Variants in ANK2 observed in about 807,000 individuals in gnomAD.
The protein encoded by ANK2 is ankyrin-2.
In ANK2, 83 loss-of-function variants were observed where a neutral mutation model predicts 360.5. The ratio of observed to expected loss-of-function variants is 0.23; its 90% CI spans 0.19 to 0.28. The LOEUF is 0.28. Ranked by LOEUF, ANK2 falls within the 10% of genes least tolerant of loss-of-function variation. ANK2 has a pLI of 1.00. For missense variants in ANK2, 4,201 were observed against 4,795.7 expected (o/e 0.88, Z 3.66); for synonymous variants, 1,740 against 1,759.5 (o/e 0.99, Z 0.28).
intron 23 of ANK2, among the ~76,000 whole-genome samples, chr4:113,306,601 G>A (rs1226745966): frequency 6.6e-6 from 1 of 152,110 alleles, no homozygotes; most frequent in Non-Finnish European, 1.5e-5. Context: ...AAAAGAGAAA[G>A]CATTTACTAA....
chr4:113,141,450 T>C (rs952571807), intron 1 of ANK2: 1 of 152,210 alleles, frequency 6.6e-6, no homozygotes, highest in Non-Finnish European at 1.5e-5. Context: ...TTCTGTGTCA[T>C]AGAAGTGAAA....
chr4:112,828,523 G>A (rs574867522), intron 1 of ANK2, among the ~76,000 whole-genome samples: 3 of 152,152 alleles, frequency 2.0e-5, no homozygotes, highest in South Asian at 2.1e-4. Flanking sequence ...GTGAGCCACC[G>A]CGCCCAGCTG....
chr4:113,142,463 A>G (rs1380960938), intron 1 of ANK2, among the ~76,000 whole-genome samples: 1 of 152,154 alleles, frequency 6.6e-6, no homozygotes, highest in Admixed American at 6.5e-5. Context: ...TTTCACAGCT[A>G]TGATGTTTTC....
intron 2 of ANK2, among the ~76,000 whole-genome samples, chr4:112,928,995 G>A (rs946938984): frequency 2.0e-5 from 3 of 151,994 alleles, no homozygotes; most frequent in African/African-American, 4.8e-5. Flanking sequence ...TGGGACTACA[G>A]GCGTGCACCA....
chr4:113,021,004 A>T (rs986466976), intron 2 of ANK2, among the ~76,000 whole-genome samples: 5 of 151,900 alleles, frequency 3.3e-5, no homozygotes, highest in African/African-American at 1.2e-4. Context: ...ACAGATATTC[A>T]TTTGTTATGA....
intron 15 of ANK2, among the ~76,000 whole-genome samples, chr4:113,277,003 T>A (rs2060473566): frequency 6.6e-6 from 1 of 152,220 alleles, no homozygotes. Flanking sequence ...GTGTAGGAAC[T>A]GTGCCATCCT....
intron 23 of ANK2, among the ~76,000 whole-genome samples, chr4:113,306,313 A>G (rs1439764813): frequency 6.6e-6 from 1 of 152,148 alleles, no homozygotes; most frequent in Non-Finnish European, 1.5e-5. Flanking sequence ...GATTTTAGGG[A>G]TTAGATAAGG....
At chr4:113,125,479 A>G (rs72673426) in intron 1 of ANK2, among the ~76,000 whole-genome samples, 1 of 152,318 alleles carries the variant, frequency 6.6e-6, no homozygotes, top group Non-Finnish European at 1.5e-5. Flanking sequence ...AATAAAGTAT[A>G]TTTATACAAA....
chr4:113,284,405 T>C (rs2153720305), intron 18 of ANK2, among the ~76,000 whole-genome samples: 1 of 152,336 alleles, frequency 6.6e-6, no homozygotes. Context: ...TTCAGCAGTA[T>C]TTTGAGTAGG....
At chr4:112,872,057 C>T (rs2073273997) in intron 1 of ANK2, among the ~76,000 whole-genome samples, 2 of 146,652 alleles carry the variant, frequency 1.4e-5, no homozygotes. Flanking sequence ...ACAGAGGTCT[C>T]ATTCTATTAC....
chr4:112,818,868 G>C (rs936366890), intron 1 of ANK2, among the ~76,000 whole-genome samples: 19 of 152,166 alleles, frequency 1.2e-4, no homozygotes, highest in Non-Finnish European at 2.6e-4. Context: ...GGCAGTAGAA[G>C]AATGATGGAG....
the ANK2 span, among the ~76,000 whole-genome samples, chr4:112,759,700 T>A: frequency 6.6e-6 from 1 of 152,166 alleles, no homozygotes; most frequent in Non-Finnish European, 1.5e-5. Flanking sequence ...ATTCCAGCAT[T>A]CTCCAGTCCT....
intron 17 of ANK2, 60 bp downstream of exon 17, chr4:113,278,618 G>A (rs531724026): frequency 6.5e-4 from 996 of 1,525,446 alleles, no homozygotes; most frequent in Non-Finnish European, 8.5e-4. Flanking sequence ...GAAAACACAT[G>A]AGAATTGTCT....
chr4:113,050,725 A>G (rs2066598890), intron 1 of ANK2, among the ~76,000 whole-genome samples: 1 of 152,196 alleles, frequency 6.6e-6, no homozygotes, highest in Non-Finnish European at 1.5e-5. Flanking sequence ...TATGATTGTA[A>G]TGTAAATGGC....
chr4:112,796,731 A>G, the ANK2 span, among the ~76,000 whole-genome samples: 3 of 151,916 alleles, frequency 2.0e-5, no homozygotes, highest in Admixed American at 6.6e-5. Context: ...GTGTGATACA[A>G]CAAAGGCCTG....
rs114356635 is a variant in ANK2 at position 113,012,329 on chromosome 4, C to T, written c.21+107815C>T. ...CTGTGCCCTCATTGATTTGGTTATG[C>T]ATCTGACCTTCCCGATTAAAATCTG... On this transcript the variant is annotated intron_variant, in intron 2 of 30. Coordinates refer to the ANK2 transcript ENST00000503271. Among the ~76,000 whole-genome samples the T allele has an allele frequency of 7.3e-3, 1,115 of 152,266 alleles. 15 individuals carry two copies. The highest frequency in any genetic ancestry group is 0.025 in the African/African-American group (1,050 of 41,566).
intron 2 of ANK2, among the ~76,000 whole-genome samples, chr4:113,036,046 A>G (rs2061514168): frequency 6.6e-6 from 1 of 151,894 alleles, no homozygotes; most frequent in Non-Finnish European, 1.5e-5. Context: ...GTTGACCTTG[A>G]GAAAATTAGT....
the ANK2 span, among the ~76,000 whole-genome samples, chr4:112,756,269 T>A: frequency 6.9e-6 from 1 of 145,886 alleles, no homozygotes; most frequent in African/African-American, 2.8e-5. Flanking sequence ...CTCACTCTGC[T>A]GTCCAGAGCA....
intron 45 of ANK2, 63 bp from the exon 46 acceptor site, chr4:113,381,394 T>C: frequency 6.3e-7 from 1 of 1,593,844 alleles, no homozygotes; most frequent in Non-Finnish European, 8.6e-7. Flanking sequence ...GTCACCTTCA[T>C]TCCTAACAGC....
Sources: gnomAD v4.1 joint callset for allele counts (sites outside exome capture counted in the v4.1 genomes callset) on GRCh38, gnomAD v4.1.1 for gene constraint, MANE v1.5 for transcripts, NCBI Gene and HGNC (gene_info 2026-07-23, HGNC 2026-07-21) for gene names.